Variants in BCAS3 observed in about 807,000 individuals in gnomAD.
The protein encoded by BCAS3 is BCAS4/BCAS3 fusion.
A neutral mutation model predicts 116.1 loss-of-function variants in BCAS3; 53 were observed. The observed-to-expected ratio is 0.46, with a 90% confidence interval of 0.37 to 0.57. The LOEUF (loss-of-function observed/expected upper bound fraction) is 0.57, where lower values mean the gene tolerates loss of function less well. Among genes scored for constraint, BCAS3 ranks in the 20% least tolerant of loss-of-function variants. BCAS3 has a pLI of 0.00. For missense variants in BCAS3, 917 were observed against 1,165.4 expected (o/e 0.79, Z 3.10); for synonymous variants, 391 against 408.2 (o/e 0.96, Z 0.51).
chr17:60,810,855 C>CTCTGGGTTGACCATG, intron 7 of BCAS3: 2 of 703,276 alleles, frequency 2.8e-6, no homozygotes, highest in Non-Finnish European at 5.2e-6. Flanking sequence ...AGACTGCCAG[C>CTCTGGGTTGACCATG]TCTGGGTTGA....
intron 19 of BCAS3, among the ~76,000 whole-genome samples, chr17:61,060,741 A>G (rs1042330489): frequency 6.6e-6 from 1 of 152,250 alleles, no homozygotes; most frequent in African/African-American, 2.4e-5. Context: ...CCAAGTTTCA[A>G]CAATTTACAA....
In BCAS3 at chr17:61,130,118, C is replaced by T. The variant is rs182520869; in HGVS notation, c.2425+45554C>T. Among the ~76,000 whole-genome samples the T allele has an allele frequency of 3.3e-5, 5 of 152,276 alleles. No individual in the cohort carries two copies. Among genetic ancestry groups the T allele is most frequent in the East Asian group, 3.9e-4 (2 of 5,180 alleles). On this transcript the variant is annotated intron_variant, in intron 22 of 23. Coordinates refer to ENST00000407086, the MANE Select transcript of BCAS3 (RefSeq NM_017679.5). The surrounding 1 kb of genome is among the most constrained non-coding windows in gnomAD (Gnocchi z 5.0). Reference sequence around the variant, plus strand: ...GGATGATGCTCTAATGACATCTGTCCAGTTGTTGTAATCACATATTTGGTG... The same window carrying T: ...GGATGATGCTCTAATGACATCTGTCTAGTTGTTGTAATCACATATTTGGTG...
intron 7 of BCAS3, among the ~76,000 whole-genome samples, chr17:60,809,910 T>A (rs533163198): frequency 3.6e-4 from 55 of 152,012 alleles, no homozygotes; most frequent in Non-Finnish European, 7.8e-4. Flanking sequence ...TTTAAAGTAA[T>A]GCAAGAATAA....
intron 10 of BCAS3, among the ~76,000 whole-genome samples, chr17:60,891,226 G>A (rs763533285): frequency 1.3e-5 from 2 of 152,172 alleles, no homozygotes; most frequent in African/African-American, 4.8e-5. Context: ...TGTATAAATT[G>A]TCCCTTGGTT....
At chr17:60,840,002 C>T (rs1238410044) in intron 7 of BCAS3, among the ~76,000 whole-genome samples, 1 of 151,186 alleles carries the variant, frequency 6.6e-6, no homozygotes, top group African/African-American at 2.4e-5. Context: ...TCATAAAAGC[C>T]ATATTTCACA....
intron 6 of BCAS3, among the ~76,000 whole-genome samples, chr17:60,791,091 C>A (rs1009622951): frequency 1.9e-4 from 28 of 151,298 alleles, no homozygotes; most frequent in African/African-American, 6.6e-4. Flanking sequence ...ATTGCCCAGG[C>A]TGGAGTGCAG....
At position 61,042,912 on chromosome 17, in the gene BCAS3, A is replaced by AAAAG. The variant is rs1167730606; in HGVS notation, c.2029+2034_2029+2037dup. 1.2e-3 allele frequency among the ~76,000 whole-genome samples: 167 copies of AAAAG among 143,736 alleles called. 1 individual carries two copies. Among genetic ancestry groups the AAAAG allele is most frequent in the Middle Eastern group, 3.6e-3 (1 of 278 alleles). The allele number at this position is 143,736 out of a possible 152,430, so 94.3% of individuals were successfully genotyped here. ...CTCACAAAAAAAAAAAAAAAAAAAA[A>AAAAG]AAAGAAAGAAAGAAAGATCACTCTG... On this transcript the variant is annotated intron_variant, in intron 19 of 23. Transcript: ENST00000407086.
In BCAS3 at chr17:61,366,401, T is replaced by G. The variant is rs547186559; in HGVS notation, c.2426-1926T>G. 1.2e-3 allele frequency among the ~76,000 whole-genome samples: 177 copies of G among 152,336 alleles called. 1 individual carries two copies. Among genetic ancestry groups the G allele is most frequent in the Non-Finnish European group, 1.9e-3 (127 of 68,040 alleles). ...GAAAAGGAGCTAGAAGGACTGGCTG[T>G]GCATCATGCAGTGAGTCGGCAGCAG... On this transcript the variant is annotated intron_variant, in intron 22 of 23. Transcript: ENST00000407086. This position sits in a 1 kb window ranked among gnomAD's most constrained non-coding sequence, Gnocchi z 4.5.
intron 7 of BCAS3, among the ~76,000 whole-genome samples, chr17:60,817,831 A>G (rs916251327): frequency 2.0e-5 from 3 of 151,600 alleles, no homozygotes; most frequent in Non-Finnish European, 4.4e-5. Context: ...AATACTTTAA[A>G]TTTACTTTGA....
intron 11 of BCAS3, among the ~76,000 whole-genome samples, chr17:60,905,082 A>C (rs1381392797): frequency 1.3e-5 from 2 of 152,168 alleles, no homozygotes; most frequent in Non-Finnish European, 2.9e-5. Flanking sequence ...TCCTAAATAA[A>C]ATATTTGCAG....
chr17:60,960,780 T>C lies in BCAS3; in HGVS notation c.1221+13428T>C, dbSNP rs988657703. The stretch of plus-strand genomic sequence containing the variant: ...CCAGTAGCTGCCTTCTTCTTCTTTT[T>C]CTTTTTTTTTTTTTAATCATGCCTT... On this transcript the variant is annotated intron_variant, in intron 14 of 23. Coordinates refer to ENST00000407086, the MANE Select transcript of BCAS3 (RefSeq NM_017679.5). The surrounding 1 kb of genome is among the most constrained non-coding windows in gnomAD (Gnocchi z 4.1). 6.6e-6 allele frequency among the ~76,000 whole-genome samples: 1 copy of C among 151,392 alleles called. No individual in the cohort carries two copies. Among genetic ancestry groups the C allele is most frequent in the Non-Finnish European group, 1.5e-5 (1 of 67,984 alleles).
At position 61,228,187 on chromosome 17, in the gene BCAS3, T is replaced by G. The variant is rs895869347; in HGVS notation, c.2426-140140T>G. On this transcript the variant is annotated intron_variant, in intron 22 of 23. Transcript: ENST00000407086. The surrounding 1 kb of genome is among the most constrained non-coding windows in gnomAD (Gnocchi z 5.0). ...TGAAGGACAAGTACCTGGCTCTTAA[T>G]TGAAGTCTTGAACAGTTTCAAAGAT... Among the ~76,000 whole-genome samples the G allele has an allele frequency of 6.6e-6, 1 of 152,212 alleles. No individual in the cohort carries two copies. Among genetic ancestry groups the G allele is most frequent in the Non-Finnish European group, 1.5e-5 (1 of 68,040 alleles).
At chr17:60,794,643 C>G (rs961739714) in intron 6 of BCAS3, among the ~76,000 whole-genome samples, 27 of 152,176 alleles carry the variant, frequency 1.8e-4, no homozygotes, top group African/African-American at 6.0e-4. Flanking sequence ...TATCCCAGCA[C>G]CATTTGTTGA....
At chr17:60,944,082 AGG>A (rs2060359085) in intron 13 of BCAS3, among the ~76,000 whole-genome samples, 1 of 152,072 alleles carries the variant, frequency 6.6e-6, no homozygotes, top group Non-Finnish European at 1.5e-5. Flanking sequence ...ACTCGAAAAA[AGG>A]AAGAGCAAAT....
At position 60,803,796 on chromosome 17, in the gene BCAS3, A is replaced by ATTTTTTTTTTTTTTTTTTTTTTTTTTTTT. The variant is rs11384999; in HGVS notation, c.404-4186_404-4185insTTTTTTTTTTTTTTTTTTTTTTTTTTTTT. ...TTCCCTCTCATAAGTAACTATTACG[A>ATTTTTTTTTTTTTTTTTTTTTTTTTTTTT]TTTTTTTTTTTTTTTTTTTTTTGAG... On this transcript the variant is annotated intron_variant, in intron 6 of 23. Coordinates refer to ENST00000407086, the MANE Select transcript of BCAS3 (RefSeq NM_017679.5). 2.2e-5 allele frequency among the ~76,000 whole-genome samples: 2 copies of ATTTTTTTTTTTTTTTTTTTTTTTTTTTTT among 89,310 alleles called. 1 individual carries two copies. Among genetic ancestry groups the ATTTTTTTTTTTTTTTTTTTTTTTTTTTTT allele is most frequent in the African/African-American group, 9.8e-5 (2 of 20,382 alleles). 58.6% of individuals were successfully genotyped at this position (89,310 alleles called of 152,430 possible).
At position 60,891,503 on chromosome 17, in the gene BCAS3, T is replaced by A. The variant is rs531032779; in HGVS notation, c.738+1732T>A. The stretch of plus-strand genomic sequence containing the variant: ...ATATTTCTAGATAAATGTCCTTACA[T>A]AGTATTTTCATAAGAGCTAGCATTT... On this transcript the variant is annotated intron_variant, in intron 10 of 23. Coordinates refer to ENST00000407086, the MANE Select transcript of BCAS3 (RefSeq NM_017679.5). Among the ~76,000 whole-genome samples the A allele has an allele frequency of 2.0e-4, 30 of 152,372 alleles. 1 individual carries two copies. Among genetic ancestry groups the A allele is most frequent in the African/African-American group, 6.7e-4 (28 of 41,594 alleles).
intron 7 of BCAS3, among the ~76,000 whole-genome samples, chr17:60,812,909 A>C (rs2048968752): frequency 6.6e-6 from 1 of 152,014 alleles, no homozygotes; most frequent in Non-Finnish European, 1.5e-5. Context: ...GCTAATTAAA[A>C]AAAATTTCTT....
rs572548175 is a variant in BCAS3 at position 61,072,726 on chromosome 17, G to T, written c.2030-2194G>T. Among the ~76,000 whole-genome samples the T allele has an allele frequency of 1.8e-4, 27 of 150,970 alleles. No individual in the cohort carries two copies. The South Asian group carries it at 4.6e-3, about 26-fold the overall frequency. On this transcript the variant is annotated intron_variant, in intron 19 of 23. Coordinates refer to ENST00000407086, the MANE Select transcript of BCAS3 (RefSeq NM_017679.5). ...AGGAAAAGCCCACAGTAATCTGCTG[G>T]TCCTACTTCCTTTGCCTTACTGACT...
chr17:61,316,578 C>T lies in BCAS3; in HGVS notation c.2426-51749C>T, dbSNP rs991279881. ...CACCCCTCTGCACAGCTTTCCTCTT[C>T]GCTGCTAGGCAGACTCAGAGGGGCC... On this transcript the variant is annotated intron_variant, in intron 22 of 23. Transcript: ENST00000407086. The surrounding 1 kb of genome is among the most constrained non-coding windows in gnomAD (Gnocchi z 5.8). 7.2e-5 allele frequency among the ~76,000 whole-genome samples: 11 copies of T among 151,976 alleles called. No homozygotes were observed. Among genetic ancestry groups the T allele is most frequent in the African/African-American group, 1.9e-4 (8 of 41,354 alleles).
Sources: allele counts gnomAD v4.1 joint callset (sites outside exome capture counted in the v4.1 genomes callset), GRCh38; gene constraint gnomAD v4.1.1; non-coding constraint Gnocchi (gnomAD v3.1); transcripts MANE v1.5; gene names NCBI Gene and HGNC (gene_info 2026-07-23, HGNC 2026-07-21).